The following CAMSAP2 variants were observed in gnomAD, a reference collection of about 807,000 sequenced individuals.
The protein encoded by CAMSAP2 is calmodulin-regulated spectrin-associated protein 2.
CAMSAP2 carries 26 observed loss-of-function variants against 146.1 expected under a neutral mutation model. The observed-to-expected ratio is 0.18, with a 90% confidence interval of 0.13 to 0.25. The LOEUF is 0.25. Among genes scored for constraint, CAMSAP2 ranks in the 10% least tolerant of loss-of-function variants. The pLI, the probability that CAMSAP2 is intolerant of heterozygous loss-of-function variation, is 1.00. For missense variants in CAMSAP2, 1,381 were observed against 1,759.3 expected (o/e 0.78, Z 3.85); for synonymous variants, 499 against 596.6 (o/e 0.84, Z 2.38).
At chr1:200,815,702 T>A in intron 4 of CAMSAP2, 58 bp downstream of exon 4, 1 of 824,218 alleles carries the variant, frequency 1.2e-6, no homozygotes, top group Non-Finnish European at 1.8e-6. Context: ...GTTCACATAT[T>A]TGTATTATTT....
intron 6 of CAMSAP2, among the ~76,000 whole-genome samples, chr1:200,835,041 T>A (rs1180761313): frequency 6.6e-6 from 1 of 152,196 alleles, no homozygotes; most frequent in Non-Finnish European, 1.5e-5. Context: ...ATCATATACA[T>A]GCTATATAAA....
intron 2 of CAMSAP2, among the ~76,000 whole-genome samples, chr1:200,798,046 C>G (rs200252298): frequency 6.7e-6 from 1 of 149,996 alleles, no homozygotes; most frequent in Non-Finnish European, 1.5e-5. Flanking sequence ...TGTTTTGGTA[C>G]CAGTACCATG....
intron 2 of CAMSAP2, among the ~76,000 whole-genome samples, chr1:200,794,290 G>GT (rs1558180471): frequency 1.3e-5 from 2 of 152,284 alleles, no homozygotes; most frequent in African/African-American, 2.4e-5. Context: ...TTTATACACA[G>GT]TTTTTTCAGT....
intron 2 of CAMSAP2, among the ~76,000 whole-genome samples, chr1:200,765,746 G>T (rs1664932094): frequency 6.6e-6 from 1 of 152,138 alleles, no homozygotes. Flanking sequence ...ATGATAAATG[G>T]GATTTCAGTA....
chr1:200,831,630 GT>G (rs546429195), intron 4 of CAMSAP2, among the ~76,000 whole-genome samples: 560 of 139,252 alleles, frequency 4.0e-3, no homozygotes, highest in Non-Finnish European at 5.1e-3. Flanking sequence ...AGTTGGAAGG[GT>G]TTTTTTTTTT....
chr1:200,850,296 A>AT (rs150601775), intron 11 of CAMSAP2, 62 bp downstream of exon 11: 4,640 of 1,317,202 alleles, frequency 3.5e-3, no homozygotes, highest in South Asian at 5.1e-3. Context: ...TGTGTTGGAT[A>AT]TTTTTTTTTT....
intron 1 of CAMSAP2, among the ~76,000 whole-genome samples, chr1:200,749,439 C>T (rs1664436717): frequency 7.6e-6 from 1 of 130,748 alleles, no homozygotes; most frequent in Admixed American, 8.1e-5. Flanking sequence ...TGTTCATTGA[C>T]TCTTGTTTAG....
chr1:200,815,659 AAC>A lies in CAMSAP2; in HGVS notation c.645+17_645+18del. ...GAGGTCAAAAGGTATTTATTTCAAA[AAC>A]AAAAAGGTGCCTTTATGAGACTGTA... On this transcript the variant is annotated intron_variant, in intron 4 of 16. Coordinates refer to ENST00000358823, the MANE Select transcript of CAMSAP2 (RefSeq NM_203459.4). 1 of 1,448,432 alleles carries A rather than the reference AAC, an allele frequency of 6.9e-7. No homozygotes were observed. Among genetic ancestry groups the A allele is most frequent in the Non-Finnish European group, 9.4e-7 (1 of 1,065,076 alleles). 89.7% of individuals were successfully genotyped at this position (1,448,432 alleles called of 1,614,324 possible).
intron 8 of CAMSAP2, 125 bp from the exon 9 acceptor site, chr1:200,847,085 T>C (rs1667476820): frequency 3.2e-6 from 2 of 626,476 alleles, no homozygotes; most frequent in Non-Finnish European, 5.4e-6. Flanking sequence ...ACAATATGTT[T>C]CCATATTTTT....
rs370560460 is a variant in CAMSAP2, at chr1:200,760,930, G to A, written c.231G>A (p.Ser77=). The A allele has an allele frequency of 2.5e-5, 40 of 1,613,894 alleles. No individual in the cohort carries two copies. Among genetic ancestry groups the A allele is most frequent in the African/African-American group, 1.7e-4 (13 of 74,854 alleles). The change falls in exon 2 of 17, where the codon TCG becomes TCA. Residue 77 remains serine (S), a synonymous_variant. Coordinates refer to ENST00000358823, the MANE Select transcript of CAMSAP2 (RefSeq NM_203459.4). ...IKPPVVNLLL[S]AELYCRAGSL... The stretch of plus-strand genomic sequence containing the variant: ...CACCTGTTGTTAATTTGCTTCTATC[G>A]GCTGAACTATACTGTCGTGCTGGGA...
Position 200,817,185 on chromosome 1 carries a change from CACACAT to C in CAMSAP2, c.645+1542_645+1547del, listed in dbSNP as rs1466818555. Among the ~76,000 whole-genome samples the C allele has an allele frequency of 2.6e-3, 181 of 70,802 alleles. 1 individual carries two copies. The highest frequency in any genetic ancestry group is 0.012 in the African/African-American group (171 of 14,738). The allele number at this position is 70,802 out of a possible 152,430, so 46.4% of individuals were successfully genotyped here. On this transcript the variant is annotated intron_variant, in intron 4 of 16. Transcript: ENST00000358823. Reference sequence around the variant, plus strand: ...ACACACGTGTGTGTATATACACACACACACATGTGTGTGTGTATACACACATACACA... The same window carrying C: ...ACACACGTGTGTGTATATACACACACGTGTGTGTGTATACACACATACACA...
rs150776326 is a variant in CAMSAP2 at position 200,769,440 on chromosome 1, C to T, written c.399+8342C>T. ...GGGGTGTCCTCTAATTCAGTTCCAA[C>T]ATTATCTACCTGGAGATAGTATCAG... On this transcript the variant is annotated intron_variant, in intron 2 of 16. Coordinates refer to ENST00000358823, the MANE Select transcript of CAMSAP2 (RefSeq NM_203459.4). 9.6e-3 allele frequency among the ~76,000 whole-genome samples: 1,460 copies of T among 152,268 alleles called. 12 individuals carry two copies. The highest frequency in any genetic ancestry group is 0.014 in the Non-Finnish European group (962 of 68,006).
chr1:200,854,980 C>T (rs2275193), intron 14 of CAMSAP2, 91 bp downstream of exon 14: 114,247 of 928,696 alleles, frequency 0.12, 7,372 homozygotes, highest in African/African-American at 0.19. Context: ...AGTGTTTTTA[C>T]ATTTTATAAT....
At chr1:200,759,342 C>T (rs1158332378) in intron 1 of CAMSAP2, among the ~76,000 whole-genome samples, 2 of 148,044 alleles carry the variant, frequency 1.4e-5, no homozygotes, top group Non-Finnish European at 3.0e-5. Flanking sequence ...TGCAATGGCG[C>T]GATCTCACTC....
rs540562619 is a variant in CAMSAP2 at position 200,843,124 on chromosome 1, A to G, written c.1021+1037A>G. Reference sequence around the variant, plus strand: ...CTGCTACCAATAGCTGCCCTACCCAACGCAACACATGATCATTGTGCATCC... The same window carrying G: ...CTGCTACCAATAGCTGCCCTACCCAGCGCAACACATGATCATTGTGCATCC... On this transcript the variant is annotated intron_variant, in intron 7 of 16. Transcript: ENST00000358823. Among the ~76,000 whole-genome samples, 8 of 152,306 alleles carry G rather than the reference A, an allele frequency of 5.3e-5. No individual in the cohort carries two copies. In the East Asian group the frequency reaches 5.8e-4, roughly 11 times the overall value.
chr1:200,759,280 A>ATTTTT (rs374473632), intron 1 of CAMSAP2, among the ~76,000 whole-genome samples: 7 of 128,892 alleles, frequency 5.4e-5, no homozygotes, highest in Non-Finnish European at 6.4e-5. Context: ...CTGCTATTCT[A>ATTTTT]TTTTTTTTTT....
At position 200,839,572 on chromosome 1, in the gene CAMSAP2, C is replaced by A. The variant is rs568028892; in HGVS notation, c.928-2422C>A. On this transcript the variant is annotated intron_variant, in intron 6 of 16. Coordinates refer to ENST00000358823, the MANE Select transcript of CAMSAP2 (RefSeq NM_203459.4). ...ACAGCAATTTGGATGGAATTGGAGA[C>A]CATTATTCTAAGTGAAGTAACTCAG... Among the ~76,000 whole-genome samples, 3 of 152,156 alleles carry A rather than the reference C, an allele frequency of 2.0e-5. No individual in the cohort carries two copies. In the East Asian group the frequency reaches 5.8e-4, roughly 29 times the overall value.
At chr1:200,789,165 A>C (rs2103029690) in intron 2 of CAMSAP2, among the ~76,000 whole-genome samples, 1 of 152,270 alleles carries the variant, frequency 6.6e-6, no homozygotes, top group East Asian at 1.9e-4. Context: ...ACCCTTCCGC[A>C]GTGCAAAATT....
intron 2 of CAMSAP2, among the ~76,000 whole-genome samples, chr1:200,768,507 A>G (rs1034693398): frequency 6.6e-6 from 1 of 152,154 alleles, no homozygotes. Context: ...TAAGCCAGAG[A>G]GGGTATCATC....
Sources: gnomAD v4.1 joint callset for allele counts (sites outside exome capture counted in the v4.1 genomes callset) on GRCh38, gnomAD v4.1.1 for gene constraint, MANE v1.5 for transcripts, NCBI Gene and HGNC (gene_info 2026-07-23, HGNC 2026-07-21) for gene names.